FARSB: variants seen among roughly 807,000 people sequenced by gnomAD.
FARSB encodes the protein phenylalanine--tRNA ligase beta subunit.
FARSB carries 40 observed loss-of-function variants against 69.6 expected under a neutral mutation model. The observed-to-expected ratio is 0.57, with a 90% CI of 0.45 to 0.75. The LOEUF is 0.75. FARSB is among the 30% of genes least tolerant of loss of function. The probability of loss-of-function intolerance (pLI) is 0.00; values close to 1 mark genes in which losing one functional copy is unlikely to be tolerated. For synonymous variants in FARSB, 235 were observed against 247.2 expected (o/e 0.95, Z 0.46); for missense variants, 632 against 722.9 (o/e 0.87, Z 1.44).
intron 14 of FARSB, among the ~76,000 whole-genome samples, chr2:222,618,227 A>C (rs992395682): frequency 1.3e-5 from 2 of 152,180 alleles, no homozygotes; most frequent in Admixed American, 6.5e-5. Flanking sequence ...GTCTAGCTCT[A>C]ATCTACAACA....
Position 222,624,758 on chromosome 2 carries a change from C to CT in FARSB, c.917dup (p.Glu307GlyfsTer6), listed in dbSNP as rs1161932819. The CT allele has an allele frequency of 6.2e-7, 1 of 1,603,228 alleles. No homozygotes were observed. Among genetic ancestry groups the CT allele is most frequent in the Admixed American group, 1.7e-5 (1 of 59,158 alleles). ...TAATTAGGTCAGCTCTCACCATCTC[C>CT]TTTCGGTAAGCTAATTCCTTAAATA... On this transcript the variant is annotated frameshift_variant, in exon 11 of 17. Transcript: ENST00000281828. LOFTEE classifies it high-confidence loss of function.
chr2:222,623,081 G>GAA lies in FARSB; in HGVS notation c.1251+567_1251+568dup. On this transcript the variant is annotated intron_variant, in intron 13 of 16. Transcript: ENST00000281828. ...CACCACAGAAATGCTCAGCAAGAGG[G>GAA]AAAAACGGAACTACAAATTGCATAC... Among the ~76,000 whole-genome samples the GAA allele has an allele frequency of 2.0e-5, 3 of 152,202 alleles. No homozygotes were observed. In the South Asian group the frequency reaches 6.2e-4, roughly 32 times the overall value.
At chr2:222,573,901 T>C (rs1689774294) in intron 16 of FARSB, among the ~76,000 whole-genome samples, 1 of 152,232 alleles carries the variant, frequency 6.6e-6, no homozygotes, top group Non-Finnish European at 1.5e-5. Context: ...CACCAGTCTA[T>C]TTTTAAGGGA....
chr2:222,629,421 T>C (rs1323648866), intron 9 of FARSB, among the ~76,000 whole-genome samples: 1 of 152,206 alleles, frequency 6.6e-6, no homozygotes, highest in African/African-American at 2.4e-5. Flanking sequence ...TACAGTAATC[T>C]TACCGACATG....
chr2:222,631,858 A>T (rs999887810), intron 7 of FARSB, among the ~76,000 whole-genome samples, 184 bp from the exon 8 acceptor site: 5 of 152,242 alleles, frequency 3.3e-5, no homozygotes. Flanking sequence ...GGATCACCTG[A>T]GGTCAGGAGT....
intron 13 of FARSB, among the ~76,000 whole-genome samples, chr2:222,621,522 A>C: frequency 6.6e-6 from 1 of 152,152 alleles, no homozygotes; most frequent in Non-Finnish European, 1.5e-5. Context: ...CATGCCTGCC[A>C]GGAACTTTTT....
At chr2:222,573,913 A>G (rs1349029366) in intron 16 of FARSB, among the ~76,000 whole-genome samples, 1 of 152,222 alleles carries the variant, frequency 6.6e-6, no homozygotes, top group Non-Finnish European at 1.5e-5. Context: ...TTTAAGGGAC[A>G]CTCAGAAAGG....
intron 13 of FARSB, among the ~76,000 whole-genome samples, chr2:222,620,653 T>C (rs56373500): frequency 0.35 from 52,637 of 152,176 alleles, 9,358 homozygotes; most frequent in Middle Eastern, 0.45. Flanking sequence ...AAATCATTAC[T>C]AAGGATAAAT....
rs1691222804 is a variant in FARSB at position 222,624,698 on chromosome 2, A to G, written c.962+16T>C. 1 of 1,562,140 alleles carries G rather than the reference A, an allele frequency of 6.4e-7. No homozygotes were observed. Among genetic ancestry groups the G allele is most frequent in the Non-Finnish European group, 8.7e-7 (1 of 1,143,310 alleles). On this transcript the variant is annotated intron_variant, in intron 11 of 16. Coordinates refer to ENST00000281828, the MANE Select transcript of FARSB (RefSeq NM_005687.5). ...TGTACTTTGTTCTTGAATTAAGTGA[A>G]GTTTTCAGAGCATACCTGATTCCAA... is the stretch of plus-strand genomic sequence containing the variant.
chr2:222,635,559 C>T (rs1020421), intron 5 of FARSB, among the ~76,000 whole-genome samples: 129,945 of 152,190 alleles, frequency 0.85, 56,390 homozygotes, highest in African/African-American at 0.97. Context: ...TTGATAAATG[C>T]AGGTAAATTA....
chr2:222,632,161 T>C (rs1691448099), intron 7 of FARSB, among the ~76,000 whole-genome samples: 2 of 151,854 alleles, frequency 1.3e-5, no homozygotes, highest in South Asian at 2.1e-4. Flanking sequence ...AAACCTAACA[T>C]CTTAAGAGCA....
At chr2:222,595,361 T>C (rs1223233042) in intron 16 of FARSB, among the ~76,000 whole-genome samples, 2 of 152,162 alleles carry the variant, frequency 1.3e-5, no homozygotes, top group Non-Finnish European at 2.9e-5. Flanking sequence ...ATTTCACCCA[T>C]ATTTTTTAGC....
At chr2:222,615,773 CTT>C (rs904936881) in intron 14 of FARSB, among the ~76,000 whole-genome samples, 21 of 152,236 alleles carry the variant, frequency 1.4e-4, no homozygotes, top group Non-Finnish European at 7.3e-5. Context: ...AAGAGAACGT[CTT>C]TCCCATCACA....
Position 222,578,751 on chromosome 2 carries a change from A to G in FARSB, c.1619-6729T>C, listed in dbSNP as rs546073714. ...TCCCAGCACTTTGGGAGGCCAAGGC[A>G]GGTGGATCATGAGGTCAGGAGATCG... On this transcript the variant is annotated intron_variant, in intron 16 of 16. Coordinates refer to ENST00000281828, the MANE Select transcript of FARSB (RefSeq NM_005687.5). Among the ~76,000 whole-genome samples the G allele has an allele frequency of 2.6e-5, 4 of 151,624 alleles. No homozygotes were observed. In the South Asian group the frequency reaches 6.2e-4, roughly 24 times the overall value.
chr2:222,571,843 A>G lies in FARSB; in HGVS notation c.*28T>C. 1 of 1,596,522 alleles carries G rather than the reference A, an allele frequency of 6.3e-7. No individual in the cohort carries two copies. The highest frequency in any genetic ancestry group is 8.6e-7 in the Non-Finnish European group (1 of 1,169,488). On this transcript the variant is annotated 3_prime_UTR_variant, in exon 17 of 17. Transcript: ENST00000281828. The stretch of plus-strand genomic sequence containing the variant: ...AGGGGAGGAGAAAGGGACACCTGGG[A>G]AGAGAATCACACCACAGAGACCAAT...
Position 222,634,440 on chromosome 2 carries a change from A to T in FARSB, c.557T>A (p.Leu186Gln). 6.2e-7 allele frequency: 1 copy of T among 1,611,698 alleles called. No homozygotes were observed. Among genetic ancestry groups the T allele is most frequent in the East Asian group, 2.2e-5 (1 of 44,832 alleles). The change falls in exon 6 of 17, where the codon CTA becomes CAA. Residue 186 changes from leucine (L) to glutamine (Q), a missense_variant. Coordinates refer to ENST00000281828, the MANE Select transcript of FARSB (RefSeq NM_005687.5). The part of the protein sequence containing the change: ...KRPSDIKFKP[L>Q]NKTKEYTACE... Reference sequence around the variant, plus strand: ...GGCTGTATACTCCTTGGTCTTATTTAGAGGCTTGAATTTGATATCTGAAGG... The same window carrying T: ...GGCTGTATACTCCTTGGTCTTATTTTGAGGCTTGAATTTGATATCTGAAGG...
chr2:222,590,859 CTCTT>C (rs1559193405), intron 16 of FARSB, among the ~76,000 whole-genome samples: 2 of 152,094 alleles, frequency 1.3e-5, no homozygotes, highest in Non-Finnish European at 2.9e-5. Flanking sequence ...TTATGCTAGT[CTCTT>C]TATTTTTATG....
chr2:222,595,614 T>C (rs1039802808), intron 16 of FARSB, among the ~76,000 whole-genome samples: 1 of 152,194 alleles, frequency 6.6e-6, no homozygotes, highest in Non-Finnish European at 1.5e-5. Context: ...TGTCACAAGT[T>C]AAATTCAAGT....
At chr2:222,636,383 CT>C in intron 5 of FARSB, among the ~76,000 whole-genome samples, 1 of 103,854 alleles carries the variant, frequency 9.6e-6, no homozygotes. Flanking sequence ...GAGACTCTAT[CT>C]CAAAAAAAAA....
Sources: allele counts gnomAD v4.1 joint callset (sites outside exome capture counted in the v4.1 genomes callset), GRCh38; gene constraint gnomAD v4.1.1; transcripts MANE v1.5; gene names NCBI Gene and HGNC (gene_info 2026-07-23, HGNC 2026-07-21).